Variants in LAPTM4B observed in about 807,000 individuals in gnomAD.
LAPTM4B encodes the protein lysosomal protein transmembrane 4 beta, also known as lysosomal-associated transmembrane protein 4B.
In LAPTM4B, 26 loss-of-function variants were observed where a neutral mutation model predicts 28.5. The observed-to-expected ratio is 0.91, with a 90% confidence interval of 0.67 to 1.27. The LOEUF (loss-of-function observed/expected upper bound fraction) is 1.27, where lower values mean the gene tolerates loss of function less well. LAPTM4B is among the 50% of genes most tolerant of loss of function. LAPTM4B has a pLI of 0.00. For missense variants in LAPTM4B, 288 were observed against 285.8 expected, an observed-to-expected ratio of 1.01 and a Z score of -0.06; for synonymous variants, 109 against 106.4, an observed-to-expected ratio of 1.02 and a Z score of -0.15.
At chr8:97,788,406 G>A in intron 1 of LAPTM4B, 1 of 252,348 alleles carries the variant, frequency 4.0e-6, no homozygotes, top group South Asian at 5.3e-5. Context: ...GAGAAAGGAA[G>A]AGATAACTAA....
intron 6 of LAPTM4B, among the ~76,000 whole-genome samples, chr8:97,830,243 G>C (rs781125127): frequency 2.0e-5 from 3 of 152,132 alleles, no homozygotes; most frequent in Non-Finnish European, 4.4e-5. Context: ...AATTAGGGAG[G>C]GGTAGAGGGT....
intron 1 of LAPTM4B, among the ~76,000 whole-genome samples, chr8:97,786,284 C>G (rs1353934084): frequency 6.6e-6 from 1 of 151,964 alleles, no homozygotes; most frequent in East Asian, 1.9e-4. Context: ...TTAAGAGTTT[C>G]GAGTTGCCTC....
chr8:97,790,570 A>T (rs1816482552), intron 1 of LAPTM4B, among the ~76,000 whole-genome samples: 1 of 151,936 alleles, frequency 6.6e-6, no homozygotes, highest in Admixed American at 6.6e-5. Flanking sequence ...TCACTCTCCT[A>T]AAGTGCTGGG....
At chr8:97,848,120 G>C (rs1817460342) in intron 6 of LAPTM4B, among the ~76,000 whole-genome samples, 1 of 151,872 alleles carries the variant, frequency 6.6e-6, no homozygotes, top group South Asian at 2.1e-4. Context: ...AAATTAGCCG[G>C]GTGTAGTGGC....
At chr8:97,838,177 G>T (rs1004641780) in intron 6 of LAPTM4B, among the ~76,000 whole-genome samples, 7 of 152,148 alleles carry the variant, frequency 4.6e-5, no homozygotes, top group Non-Finnish European at 8.8e-5. Context: ...GGAATGACAG[G>T]AGCTTTCTTG....
chr8:97,829,569 T>G (rs772284259), intron 6 of LAPTM4B, among the ~76,000 whole-genome samples: 32 of 152,074 alleles, frequency 2.1e-4, no homozygotes, highest in Admixed American at 9.8e-4. Flanking sequence ...TGTAGCGAGG[T>G]GTCCAAGAAC....
chr8:97,841,510 T>C (rs567443560), intron 6 of LAPTM4B, among the ~76,000 whole-genome samples: 1 of 152,258 alleles, frequency 6.6e-6, no homozygotes, highest in East Asian at 1.9e-4. Flanking sequence ...GTAGTTTTAG[T>C]AGAGGTGGGG....
chr8:97,782,399 A>G (rs545920051), intron 1 of LAPTM4B, among the ~76,000 whole-genome samples: 1 of 143,878 alleles, frequency 7.0e-6, no homozygotes, highest in Admixed American at 7.4e-5. Context: ...CAGCCTCCCA[A>G]GTAGCTGGGA....
intron 6 of LAPTM4B, among the ~76,000 whole-genome samples, chr8:97,843,692 A>G (rs1451455128): frequency 6.6e-6 from 1 of 152,084 alleles, no homozygotes; most frequent in Non-Finnish European, 1.5e-5. Flanking sequence ...AGGCAGGAGA[A>G]TGCCTTGAAC....
Position 97,819,120 on chromosome 8 carries a change from G to A in LAPTM4B, c.409-20G>A, listed in dbSNP as rs551821886. 1.4e-6 allele frequency: 2 copies of A among 1,420,698 alleles called. No individual in the cohort carries two copies. The highest frequency in any genetic ancestry group is 2.3e-5 in the East Asian group (1 of 43,946). 88.0% of individuals were successfully genotyped at this position (1,420,698 alleles called of 1,614,324 possible). ...GGAATGATTAATGAGATTTGCTAATGAGGCCCTTTTCTTTTGCAGCCTCCT... is the reference window on the plus strand; with the variant it reads ...GGAATGATTAATGAGATTTGCTAATAAGGCCCTTTTCTTTTGCAGCCTCCT... On this transcript the variant is annotated intron_variant, in intron 4 of 6. Coordinates refer to ENST00000521545, the MANE Select transcript of LAPTM4B (RefSeq NM_018407.6).
At chr8:97,849,798 CCT>C (rs1482721671) in intron 6 of LAPTM4B, among the ~76,000 whole-genome samples, 3 of 151,752 alleles carry the variant, frequency 2.0e-5, no homozygotes, top group African/African-American at 7.3e-5. Context: ...CGCCACCCCC[CCT>C]CCTCCACCCC....
At position 97,825,060 on chromosome 8, in the gene LAPTM4B, T is replaced by A; in HGVS notation, c.510T>A (p.Gly170=). 1 of 1,587,418 alleles carries A rather than the reference T, an allele frequency of 6.3e-7. No homozygotes were observed. Among genetic ancestry groups the A allele is most frequent in the Non-Finnish European group, 8.6e-7 (1 of 1,156,322 alleles). ...TGATAATCACTCCTCATTTTCAGGG[T>A]TACTTGATTAGCTGTGTTTGGAACT... ...LFISIILTFK[G]YLISCVWNCY... Residue 170 remains glycine (G), a splice_region_variant and synonymous_variant, in exon 6 of 7, where the codon GGT becomes GGA. Coordinates refer to ENST00000521545, the MANE Select transcript of LAPTM4B (RefSeq NM_018407.6).
At chr8:97,801,712 AG>A in intron 1 of LAPTM4B, among the ~76,000 whole-genome samples, 1 of 152,196 alleles carries the variant, frequency 6.6e-6, no homozygotes, top group East Asian at 1.9e-4. Flanking sequence ...GTGTGGTGGC[AG>A]GTGTCTGTAA....
At chr8:97,815,436 T>C (rs763233670) in intron 3 of LAPTM4B, 35 bp downstream of exon 3, 1 of 1,414,484 alleles carries the variant, frequency 7.1e-7, no homozygotes, top group Non-Finnish European at 1.0e-6. Flanking sequence ...GGCCTTTTCC[T>C]TGGTCTCTTA....
At chr8:97,822,049 T>A (rs947065529) in intron 5 of LAPTM4B, among the ~76,000 whole-genome samples, 1 of 152,236 alleles carries the variant, frequency 6.6e-6, no homozygotes, top group Non-Finnish European at 1.5e-5. Context: ...ACACGGATGT[T>A]GGGCCTTACT....
chr8:97,795,668 C>T (rs1188008624), intron 1 of LAPTM4B, among the ~76,000 whole-genome samples: 1 of 151,880 alleles, frequency 6.6e-6, no homozygotes, highest in Non-Finnish European at 1.5e-5. Context: ...GCCTGGCCAA[C>T]ATGGTGAAAC....
In LAPTM4B at chr8:97,852,102, G is replaced by A. The variant is rs914106000; in HGVS notation, c.*628G>A. On this transcript the variant is annotated 3_prime_UTR_variant, in exon 7 of 7. Transcript: ENST00000521545. ...TGGGAGCAGTGACCATCTGCTGACT[G>A]TTCTTGTGGATCTTGTGTCCAGGGA... 6.5e-6 allele frequency: 1 copy of A among 152,988 alleles called. No homozygotes were observed. The highest frequency in any genetic ancestry group is 1.5e-5 in the Non-Finnish European group (1 of 68,654). The allele number at this position is 152,988 out of a possible 1,614,324, so 9.5% of individuals were successfully genotyped here.
Position 97,777,939 on chromosome 8 carries a change from A to G in LAPTM4B, c.99+1831A>G, listed in dbSNP as rs78396555. On this transcript the variant is annotated intron_variant, in intron 1 of 6. Coordinates refer to ENST00000521545, the MANE Select transcript of LAPTM4B (RefSeq NM_018407.6). Reference sequence around the variant, plus strand: ...CTGCCGACTTGCAAGTACATCAGAGAACGTAATTTGTAAAATCTAGGGCAT... The same window carrying G: ...CTGCCGACTTGCAAGTACATCAGAGGACGTAATTTGTAAAATCTAGGGCAT... 7.4e-3 allele frequency among the ~76,000 whole-genome samples: 1,134 copies of G among 152,338 alleles called. 20 individuals carry two copies. The highest frequency in any genetic ancestry group is 0.025 in the African/African-American group (1,049 of 41,578).
chr8:97,805,267 C>G (rs1304670374), intron 1 of LAPTM4B, 86 bp from the exon 2 acceptor site: 1 of 757,892 alleles, frequency 1.3e-6, no homozygotes, highest in African/African-American at 1.8e-5. Flanking sequence ...CAGCCTGACT[C>G]CATGTGGTCA....
Sources: gnomAD v4.1 joint callset for allele counts (sites outside exome capture counted in the v4.1 genomes callset) on GRCh38, gnomAD v4.1.1 for gene constraint, MANE v1.5 for transcripts, NCBI Gene and HGNC (gene_info 2026-07-23, HGNC 2026-07-21) for gene names.